The following NAALADL2 variants were observed in gnomAD, a reference collection of about 807,000 sequenced individuals.
The protein encoded by NAALADL2 is inactive N-acetylated-alpha-linked acidic dipeptidase-like protein 2.
A neutral mutation model predicts 87.2 loss-of-function variants in NAALADL2; 76 were observed. That is an observed-to-expected ratio of 0.87 (90% CI 0.72 to 1.05). The LOEUF is 1.05. Among genes scored for constraint, NAALADL2 ranks in the 50% least tolerant of loss-of-function variants. The pLI is 0.00. For missense variants in NAALADL2, 1,089 were observed against 945.8 expected (o/e 1.15, Z -1.99); for synonymous variants, 354 against 331.0 (o/e 1.07, Z -0.75).
chr3:175,044,475 G>C (rs990215519), intron 1 of NAALADL2, among the ~76,000 whole-genome samples: 1 of 151,948 alleles, frequency 6.6e-6, no homozygotes, highest in Non-Finnish European at 1.5e-5. Context: ...TATCTGTCTC[G>C]TGTATTGCAA....
chr3:174,776,262 C>T (rs1715201996), intron 3 of NAALADL2, among the ~76,000 whole-genome samples: 1 of 152,074 alleles, frequency 6.6e-6, no homozygotes, highest in African/African-American at 2.4e-5. Context: ...TTACAAAATG[C>T]ATGAAAATTG....
chr3:175,379,099 T>C (rs1767486949), intron 5 of NAALADL2, among the ~76,000 whole-genome samples: 1 of 152,160 alleles, frequency 6.6e-6, no homozygotes, highest in Non-Finnish European at 1.5e-5. Context: ...AAGTGTGAAT[T>C]TTGTGGACAG....
At chr3:175,656,748 T>G (rs1188895454) in intron 11 of NAALADL2, among the ~76,000 whole-genome samples, 1 of 151,640 alleles carries the variant, frequency 6.6e-6, no homozygotes, top group Non-Finnish European at 1.5e-5. Flanking sequence ...TATGTGTGTG[T>G]GTGTGCAGGG....
chr3:175,011,681 T>C (rs1025677706), intron 1 of NAALADL2, among the ~76,000 whole-genome samples: 3 of 152,118 alleles, frequency 2.0e-5, no homozygotes, highest in African/African-American at 7.2e-5. Context: ...TGGATGGTAG[T>C]TGTAGACAAG....
At chr3:174,628,400 C>T (rs530356106) in intron 2 of NAALADL2, among the ~76,000 whole-genome samples, 1 of 148,870 alleles carries the variant, frequency 6.7e-6, no homozygotes, top group East Asian at 2.0e-4. Flanking sequence ...TCGCTTGAAC[C>T]CTGGAGGCGG....
At chr3:175,354,100 C>T (rs536585909) in intron 5 of NAALADL2, among the ~76,000 whole-genome samples, 2 of 152,226 alleles carry the variant, frequency 1.3e-5, no homozygotes, top group Non-Finnish European at 2.9e-5. Context: ...TGCTCCCAGC[C>T]CTTATTTCCA....
intron 2 of NAALADL2, among the ~76,000 whole-genome samples, chr3:174,642,784 A>G (rs866426093): frequency 8.6e-5 from 9 of 104,972 alleles, no homozygotes; most frequent in South Asian, 6.6e-4. Flanking sequence ...ATATATATAT[A>G]TATATGTTTT....
intron 1 of NAALADL2, among the ~76,000 whole-genome samples, chr3:174,961,793 A>T (rs762593872): frequency 6.6e-6 from 1 of 152,068 alleles, no homozygotes; most frequent in Non-Finnish European, 1.5e-5. Flanking sequence ...AGAAAGATAC[A>T]TATGTTAAAC....
intron 3 of NAALADL2, among the ~76,000 whole-genome samples, chr3:174,818,767 G>C (rs1057061427): frequency 2.0e-5 from 3 of 152,080 alleles, no homozygotes; most frequent in African/African-American, 7.2e-5. Context: ...CTATGGGATA[G>C]ACCAAGTCTA....
intron 1 of NAALADL2, among the ~76,000 whole-genome samples, chr3:174,888,708 T>C (rs887588687): frequency 6.6e-6 from 1 of 152,242 alleles, no homozygotes; most frequent in Non-Finnish European, 1.5e-5. Context: ...TTATGTTCTA[T>C]TGTCTAGCAG....
intron 4 of NAALADL2, among the ~76,000 whole-genome samples, chr3:175,298,256 A>G (rs776937658): frequency 1.3e-5 from 2 of 152,118 alleles, no homozygotes; most frequent in Non-Finnish European, 2.9e-5. Context: ...TTGAGGAGCA[A>G]TGAACTGGAG....
At chr3:175,172,967 TATAG>T (rs1348512031) in intron 2 of NAALADL2, among the ~76,000 whole-genome samples, 1 of 152,082 alleles carries the variant, frequency 6.6e-6, no homozygotes, top group Non-Finnish European at 1.5e-5. Flanking sequence ...CTCTGTCAAA[TATAG>T]ATATTCGATG....
At chr3:174,822,615 T>A (rs1344759420) in intron 3 of NAALADL2, among the ~76,000 whole-genome samples, 1 of 152,148 alleles carries the variant, frequency 6.6e-6, no homozygotes, top group African/African-American at 2.4e-5. Flanking sequence ...AGAGCTGAGC[T>A]GGGTCTTGAT....
chr3:175,158,072 A>AT (rs1484625873), intron 2 of NAALADL2, among the ~76,000 whole-genome samples: 1 of 152,010 alleles, frequency 6.6e-6, no homozygotes, highest in Non-Finnish European at 1.5e-5. Flanking sequence ...TAAATCTCTT[A>AT]TTTTTTGAGG....
At chr3:175,287,287 A>G (rs1242973845) in intron 4 of NAALADL2, among the ~76,000 whole-genome samples, 1 of 152,186 alleles carries the variant, frequency 6.6e-6, no homozygotes, top group East Asian at 1.9e-4. Context: ...ATTTTAAAAA[A>G]TTATGAATAA....
At chr3:175,331,052 A>G (rs963841545) in intron 5 of NAALADL2, among the ~76,000 whole-genome samples, 3 of 152,192 alleles carry the variant, frequency 2.0e-5, no homozygotes, top group Non-Finnish European at 4.4e-5. Flanking sequence ...CTGAGAGAAA[A>G]TGGATAAATT....
At chr3:174,497,949 A>G (rs948914877) in intron 1 of NAALADL2, among the ~76,000 whole-genome samples, 1 of 152,214 alleles carries the variant, frequency 6.6e-6, no homozygotes. Context: ...GTTCAGGTTA[A>G]ATAGTTAAAT....
intron 10 of NAALADL2, among the ~76,000 whole-genome samples, chr3:175,599,373 G>A (rs1722659533): frequency 6.6e-6 from 1 of 151,930 alleles, no homozygotes; most frequent in East Asian, 1.9e-4. Flanking sequence ...ACTATAAAAT[G>A]AGTATCATGT....
At chr3:175,468,640 G>C (rs73884425) in intron 8 of NAALADL2, among the ~76,000 whole-genome samples, 1,956 of 151,940 alleles carry the variant, frequency 0.013, 32 homozygotes, top group African/African-American at 0.044. Context: ...TACCTATCTA[G>C]TAACTGTCAC....
Sources: allele counts gnomAD v4.1 joint callset (sites outside exome capture counted in the v4.1 genomes callset), GRCh38; gene constraint gnomAD v4.1.1; transcripts MANE v1.5; gene names NCBI Gene and HGNC (gene_info 2026-07-23, HGNC 2026-07-21).